Variants in S100Z observed in about 807,000 individuals in gnomAD.
S100Z encodes the protein protein S100-Z.
S100Z carries 11 observed loss-of-function variants against 8.5 expected under a neutral mutation model. The observed-to-expected ratio is 1.30, with a 90% CI of 0.82 to 2.15. The LOEUF (loss-of-function observed/expected upper bound fraction) is 2.15. Ranked by LOEUF, S100Z falls within the 30% of genes most tolerant of loss-of-function variation. The pLI is 0.00. For synonymous variants in S100Z, 34 were observed against 43.8 expected (o/e 0.78, Z 0.89); for missense variants, 126 against 117.9 (o/e 1.07, Z -0.32).
intron 4 of S100Z, among the ~76,000 whole-genome samples, chr5:76,899,784 A>G (rs539271985): frequency 6.6e-6 from 1 of 152,202 alleles, no homozygotes; most frequent in Non-Finnish European, 1.5e-5. Context: ...TAGTTTATAC[A>G]CTACAGTTGC....
intron 4 of S100Z, among the ~76,000 whole-genome samples, chr5:76,901,592 C>T (rs1424859189): frequency 6.6e-6 from 1 of 152,106 alleles, no homozygotes. Context: ...GTAAATGCTG[C>T]CTGGCCTGGG....
chr5:76,906,972 G>GTATATATATA (rs1744447479), intron 4 of S100Z, among the ~76,000 whole-genome samples: 1 of 30,410 alleles, frequency 3.3e-5, no homozygotes, highest in African/African-American at 1.2e-4. Flanking sequence ...TCCATTGTGT[G>GTATATATATA]TGTGTATATA....
intron 1 of S100Z, among the ~76,000 whole-genome samples, chr5:76,852,737 A>G (rs1347602650): frequency 6.6e-6 from 1 of 152,126 alleles, no homozygotes; most frequent in Non-Finnish European, 1.5e-5. Context: ...AACAAACAAA[A>G]AACAGCAAAG....
chr5:76,865,011 A>G (rs574173694), intron 1 of S100Z, among the ~76,000 whole-genome samples: 1 of 151,780 alleles, frequency 6.6e-6, no homozygotes, highest in South Asian at 2.1e-4. Flanking sequence ...CCGGCCTACT[A>G]TACTTTTAAC....
the S100Z span, among the ~76,000 whole-genome samples, chr5:76,935,829 T>A: frequency 0.073 from 11,015 of 151,744 alleles, 429 homozygotes; most frequent in Middle Eastern, 0.13. Context: ...CAGGCTGAAG[T>A]GCAATGGCAT....
the S100Z span, among the ~76,000 whole-genome samples, chr5:76,936,112 T>C: frequency 3.3e-5 from 5 of 152,208 alleles, no homozygotes; most frequent in Non-Finnish European, 5.9e-5. Flanking sequence ...TCAGTTTGAT[T>C]ACAATAGTAA....
At chr5:76,902,983 C>G (rs985640206) in intron 4 of S100Z, among the ~76,000 whole-genome samples, 1 of 152,138 alleles carries the variant, frequency 6.6e-6, no homozygotes, top group African/African-American at 2.4e-5. Context: ...GTCAGGAGTT[C>G]AAGACCAGCC....
At chr5:76,872,340 C>G (rs1021303014) in intron 2 of S100Z, among the ~76,000 whole-genome samples, 6 of 152,056 alleles carry the variant, frequency 3.9e-5, no homozygotes, top group Non-Finnish European at 7.4e-5. Context: ...CGTGGTCACT[C>G]ATATCGGCTC....
chr5:76,855,891 G>A (rs1197214960), intron 1 of S100Z, among the ~76,000 whole-genome samples: 1 of 152,158 alleles, frequency 6.6e-6, no homozygotes, highest in Non-Finnish European at 1.5e-5. Context: ...CATTGGAGGT[G>A]GGGCCTGGTG....
At chr5:76,930,287 T>C in the S100Z span, among the ~76,000 whole-genome samples, 1 of 152,212 alleles carries the variant, frequency 6.6e-6, no homozygotes, top group South Asian at 2.1e-4. Context: ...ATCGCTCTAC[T>C]GAGCAAGCTC....
At chr5:76,889,153 CCT>C (rs1743768030) in intron 4 of S100Z, among the ~76,000 whole-genome samples, 1 of 152,288 alleles carries the variant, frequency 6.6e-6, no homozygotes, top group African/African-American at 2.4e-5. Context: ...GCAGGACTTC[CCT>C]CTCTCGGCTT....
At chr5:76,918,630 C>T (rs745825989) in intron 4 of S100Z, among the ~76,000 whole-genome samples, 2 of 152,322 alleles carry the variant, frequency 1.3e-5, no homozygotes, top group South Asian at 2.1e-4. Context: ...CACCGACTTC[C>T]CCATTATCAA....
At chr5:76,879,495 T>C (rs1743317860) in intron 4 of S100Z, among the ~76,000 whole-genome samples, 1 of 152,188 alleles carries the variant, frequency 6.6e-6, no homozygotes, top group Admixed American at 6.5e-5. Context: ...TGTGAAGGCA[T>C]GTGGGCAGAT....
chr5:76,869,370 T>A (rs181499223), intron 1 of S100Z, among the ~76,000 whole-genome samples: 1 of 152,128 alleles, frequency 6.6e-6, no homozygotes, highest in Admixed American at 6.5e-5. Flanking sequence ...GGTGGGTAGT[T>A]GGGAAGAGTG....
chr5:76,907,788 A>G (rs73122048), intron 4 of S100Z, among the ~76,000 whole-genome samples: 9,536 of 152,230 alleles, frequency 0.063, 802 homozygotes, highest in African/African-American at 0.18. Context: ...AAGTATCATC[A>G]TTGCAGAAAA....
chr5:76,908,493 G>A (rs566987613), intron 4 of S100Z, among the ~76,000 whole-genome samples: 1 of 152,232 alleles, frequency 6.6e-6, no homozygotes, highest in African/African-American at 2.4e-5. Context: ...TTTCTCCTAT[G>A]AGAATGATTT....
downstream of S100Z, among the ~76,000 whole-genome samples, chr5:76,926,007 C>T (rs1745131580): frequency 6.6e-6 from 1 of 152,010 alleles, no homozygotes; most frequent in African/African-American, 2.4e-5. Context: ...AATATAAGGG[C>T]ACATAGTTTC....
intron 1 of S100Z, among the ~76,000 whole-genome samples, chr5:76,865,314 G>A: frequency 7.0e-6 from 1 of 142,204 alleles, no homozygotes; most frequent in Non-Finnish European, 1.5e-5. Context: ...GTGCGATCTT[G>A]GCTCACTGCA....
intron 4 of S100Z, among the ~76,000 whole-genome samples, chr5:76,906,222 A>G (rs1006952929): frequency 6.6e-6 from 1 of 152,264 alleles, no homozygotes; most frequent in Non-Finnish European, 1.5e-5. Context: ...GTTTTGGTGT[A>G]TGTATCCATT....
Sources: allele counts gnomAD v4.1 joint callset (sites outside exome capture counted in the v4.1 genomes callset), GRCh38; gene constraint gnomAD v4.1.1; transcripts MANE v1.5; gene names NCBI Gene and HGNC (gene_info 2026-07-23, HGNC 2026-07-21).